UNC13C: variants seen among roughly 807,000 people sequenced by gnomAD.
UNC13C encodes unc-13 homolog C.
Under a neutral mutation model 245.4 loss-of-function variants are expected in UNC13C, and 174 were observed. That is an observed-to-expected ratio of 0.71 (90% CI 0.63 to 0.80). The LOEUF (loss-of-function observed/expected upper bound fraction) is 0.80. UNC13C is among the 30% of genes least tolerant of loss of function. UNC13C has a pLI of 0.00. For synonymous variants in UNC13C, 992 were observed against 895.1 expected (o/e 1.11, Z -1.93); for missense variants, 2,829 against 2,602.9 (o/e 1.09, Z -1.89).
intron 7 of UNC13C, 87 bp from the exon 8 acceptor site, chr15:54,250,137 GA>G (rs1387305462): frequency 7.8e-7 from 1 of 1,280,398 alleles, no homozygotes; most frequent in Non-Finnish European, 1.1e-6. Context: ...CATTTTCAGA[GA>G]AAAGTGATAA....
At chr15:54,403,174 T>C (rs1304606744) in intron 18 of UNC13C, among the ~76,000 whole-genome samples, 2 of 152,188 alleles carry the variant, frequency 1.3e-5, no homozygotes, top group Non-Finnish European at 2.9e-5. Flanking sequence ...ACACGTTATT[T>C]AGGCTGTCCC....
At chr15:53,889,035 TC>T in the UNC13C span, among the ~76,000 whole-genome samples, 1 of 152,158 alleles carries the variant, frequency 6.6e-6, no homozygotes, top group South Asian at 2.1e-4. Flanking sequence ...CTCTGCGGGC[TC>T]TTTTTTGGTT....
At chr15:54,487,169 C>A (rs889088246) in intron 19 of UNC13C, among the ~76,000 whole-genome samples, 10 of 151,960 alleles carry the variant, frequency 6.6e-5, no homozygotes, top group Non-Finnish European at 2.9e-5. Context: ...AACCTCACAT[C>A]ATTCCTGGTT....
At chr15:54,613,785 T>C (rs755993602) in intron 30 of UNC13C, among the ~76,000 whole-genome samples, 1 of 152,016 alleles carries the variant, frequency 6.6e-6, no homozygotes, top group Non-Finnish European at 1.5e-5. Context: ...TTCTCAACTT[T>C]TCTAATTGTG....
chr15:54,487,151 G>A (rs1050405576), intron 19 of UNC13C, among the ~76,000 whole-genome samples: 1 of 152,102 alleles, frequency 6.6e-6, no homozygotes, highest in African/African-American at 2.4e-5. Context: ...TATCTATGAG[G>A]TATGTCCAAC....
chr15:54,260,756 C>T (rs6493667), intron 8 of UNC13C, among the ~76,000 whole-genome samples: 40,731 of 147,706 alleles, frequency 0.28, 5,843 homozygotes, highest in African/African-American at 0.34. Flanking sequence ...TATAAAGTTA[C>T]GTATATAACA....
the UNC13C span, among the ~76,000 whole-genome samples, chr15:53,852,396 A>T: frequency 0.6 from 90,575 of 151,952 alleles, 27,201 homozygotes; most frequent in East Asian, 0.68. Flanking sequence ...GAATTTTTCA[A>T]CTACGGTTTT....
rs74490204 is a variant in UNC13C, at chr15:54,337,719, C to T, written c.4585-642C>T. On this transcript the variant is annotated intron_variant, in intron 16 of 32. Coordinates refer to ENST00000260323, the MANE Select transcript of UNC13C (RefSeq NM_001080534.3). The stretch of plus-strand genomic sequence containing the variant: ...TTTTTCATAGCCCACTTTAAGGCAG[C>T]GTAAGGGAGCCTTATAAAAGTTAGT... 4.0e-3 allele frequency among the ~76,000 whole-genome samples: 605 copies of T among 152,198 alleles called. 25 individuals carry two copies. In the East Asian group the frequency reaches 0.084, roughly 21 times the overall value.
At chr15:54,205,794 A>G (rs1346938280) in intron 4 of UNC13C, among the ~76,000 whole-genome samples, 3 of 152,084 alleles carry the variant, frequency 2.0e-5, no homozygotes, top group Non-Finnish European at 4.4e-5. Context: ...CACTTTTCAC[A>G]GCACACATCT....
intron 17 of UNC13C, among the ~76,000 whole-genome samples, chr15:54,343,819 G>T (rs1257270446): frequency 6.6e-6 from 1 of 152,158 alleles, no homozygotes; most frequent in Non-Finnish European, 1.5e-5. Context: ...GGAAAAGTGG[G>T]AATTTATAGC....
intron 4 of UNC13C, among the ~76,000 whole-genome samples, chr15:54,151,820 G>A (rs958017817): frequency 1.4e-5 from 2 of 145,178 alleles, no homozygotes; most frequent in African/African-American, 2.6e-5. Context: ...AGTTCCTGGC[G>A]CTGGAGCGTT....
At chr15:54,126,429 C>T (rs1399994409) in intron 2 of UNC13C, among the ~76,000 whole-genome samples, 1 of 151,896 alleles carries the variant, frequency 6.6e-6, no homozygotes, top group African/African-American at 2.4e-5. Flanking sequence ...GACATCGCAA[C>T]AAAAATGAAT....
chr15:54,185,663 G>A (rs1365615059), intron 4 of UNC13C, among the ~76,000 whole-genome samples: 12 of 146,882 alleles, frequency 8.2e-5, no homozygotes, highest in Admixed American at 8.0e-4. Context: ...ATGCTGTTTT[G>A]GTTACTGTAG....
In UNC13C at chr15:54,121,770, T is replaced by C. The variant is rs1157684040; in HGVS notation, c.2984-21248T>C. Among the ~76,000 whole-genome samples the C allele has an allele frequency of 2.0e-5, 3 of 152,096 alleles. No homozygotes were observed. In the East Asian group the frequency reaches 5.8e-4, roughly 29 times the overall value. On this transcript the variant is annotated intron_variant, in intron 2 of 32. Coordinates refer to ENST00000260323, the MANE Select transcript of UNC13C (RefSeq NM_001080534.3). ...CTGTATCTTTATATACTAAGCTTTT[T>C]ACCTATAAAATTTTGTCAGTTTATT...
intron 17 of UNC13C, among the ~76,000 whole-genome samples, chr15:54,352,475 C>T (rs4291859): frequency 0.47 from 70,802 of 151,010 alleles, 16,969 homozygotes; most frequent in East Asian, 0.73. Flanking sequence ...GAAATGGTAT[C>T]TAATGTGCTG....
chr15:54,380,306 C>T (rs944233996), intron 17 of UNC13C, among the ~76,000 whole-genome samples: 6 of 152,086 alleles, frequency 3.9e-5, no homozygotes, highest in African/African-American at 1.4e-4. Context: ...GCAACATTTC[C>T]GTTCTTTAAC....
chr15:53,984,995 A>T (rs1894072879), intron 1 of UNC13C, among the ~76,000 whole-genome samples: 1 of 151,970 alleles, frequency 6.6e-6, no homozygotes. Context: ...TCTAAAGAAA[A>T]CACGGGAATA....
intron 12 of UNC13C, among the ~76,000 whole-genome samples, chr15:54,298,918 A>T (rs1053470466): frequency 2.0e-5 from 3 of 152,130 alleles, no homozygotes; most frequent in African/African-American, 7.2e-5. Context: ...ATGAAAATTT[A>T]TACATGTAAA....
At chr15:53,984,898 A>G (rs1894067253) in intron 1 of UNC13C, among the ~76,000 whole-genome samples, 1 of 152,084 alleles carries the variant, frequency 6.6e-6, no homozygotes, top group Non-Finnish European at 1.5e-5. Flanking sequence ...CAATTGCCCC[A>G]AGATTCTAAT....
Sources: allele counts gnomAD v4.1 joint callset (sites outside exome capture counted in the v4.1 genomes callset), GRCh38; gene constraint gnomAD v4.1.1; transcripts MANE v1.5; gene names NCBI Gene and HGNC (gene_info 2026-07-23, HGNC 2026-07-21).